Variants in TMEM132C observed in about 807,000 individuals in gnomAD.
TMEM132C encodes transmembrane protein 132C.
In TMEM132C, 29 loss-of-function variants were observed where a neutral mutation model predicts 61.4. The ratio of observed to expected loss-of-function variants is 0.47; its 90% confidence interval spans 0.35 to 0.64. The LOEUF (loss-of-function observed/expected upper bound fraction) is 0.64, where lower values mean the gene tolerates loss of function less well. TMEM132C is among the 30% of genes least tolerant of loss of function. The probability of loss-of-function intolerance (pLI) is 0.00; values close to 1 mark genes in which losing one functional copy is unlikely to be tolerated. For missense variants in TMEM132C, 1,408 were observed against 1,476.9 expected, an observed-to-expected ratio of 0.95 and a Z score of 0.76; for synonymous variants, 656 against 633.1, an observed-to-expected ratio of 1.04 and a Z score of -0.54.
rs73422527 is a variant in TMEM132C, at chr12:128,479,892, A to G, written c.975-64065A>G. On this transcript the variant is annotated intron_variant, in intron 2 of 8. Transcript: ENST00000435159. ...GAATTAATATAGATTGAGTGCTTAA[A>G]ACAGTGCCTCACACATAAAAATGAT... 8.4e-3 allele frequency among the ~76,000 whole-genome samples: 1,283 copies of G among 152,344 alleles called. 16 individuals carry two copies. The highest frequency in any genetic ancestry group is 0.044 in the South Asian group (212 of 4,828).
chr12:128,609,150 GCCTCCCTGCAACACTGTAACCCCCA>G (rs1565990293), intron 3 of TMEM132C, among the ~76,000 whole-genome samples: 35 of 73,524 alleles, frequency 4.8e-4, no homozygotes, highest in African/African-American at 1.7e-3. Context: ...TGTAACCCCC[GCCTCCCTGCAACACTGTAACCCCCA>G]CCTCCCTGCA....
At chr12:128,676,187 C>A (rs1460142461) in intron 5 of TMEM132C, among the ~76,000 whole-genome samples, 3 of 152,162 alleles carry the variant, frequency 2.0e-5, no homozygotes, top group Non-Finnish European at 4.4e-5. Flanking sequence ...CTCCTTTAAG[C>A]TGAAGCAAGT....
At chr12:128,311,178 C>T (rs1313590277) in intron 1 of TMEM132C, among the ~76,000 whole-genome samples, 1 of 152,252 alleles carries the variant, frequency 6.6e-6, no homozygotes, top group Non-Finnish European at 1.5e-5. Context: ...TCTGCACAGT[C>T]CTTTACCCTC....
At chr12:128,312,868 T>G (rs1029053635) in intron 1 of TMEM132C, among the ~76,000 whole-genome samples, 1 of 152,234 alleles carries the variant, frequency 6.6e-6, no homozygotes, top group Non-Finnish European at 1.5e-5. Flanking sequence ...CAATGATGGT[T>G]TCCAGCTGCA....
chr12:128,432,875 A>G (rs1316169609), intron 2 of TMEM132C, among the ~76,000 whole-genome samples: 2 of 152,136 alleles, frequency 1.3e-5, no homozygotes, highest in Admixed American at 1.3e-4. Context: ...AGGAAGAGTC[A>G]ATGGATTCAG....
chr12:128,599,972 TG>T (rs1305178463), intron 3 of TMEM132C, among the ~76,000 whole-genome samples: 1 of 152,012 alleles, frequency 6.6e-6, no homozygotes, highest in African/African-American at 2.4e-5. Flanking sequence ...GATGGTTTTT[TG>T]TTTTTTGTTT....
chr12:128,348,606 C>T (rs558412084), intron 1 of TMEM132C, among the ~76,000 whole-genome samples: 1 of 152,312 alleles, frequency 6.6e-6, no homozygotes, highest in Non-Finnish European at 1.5e-5. Context: ...ATTTCAGGCC[C>T]TTTCTTGGGT....
intron 1 of TMEM132C, among the ~76,000 whole-genome samples, chr12:128,324,019 G>C (rs1366644236): frequency 6.6e-6 from 1 of 152,186 alleles, no homozygotes; most frequent in African/African-American, 2.4e-5. Flanking sequence ...TCAATAAAGG[G>C]ACAGATCTCA....
In TMEM132C at chr12:128,451,217, A is replaced by G. The variant is rs1870165200; in HGVS notation, c.974+35597A>G. On this transcript the variant is annotated intron_variant, in intron 2 of 8. Coordinates refer to ENST00000435159, the MANE Select transcript of TMEM132C (RefSeq NM_001136103.3). ...AAAAATACAAAAATAAACCAGTATT[A>G]CGTTTCTAGACTGCCCTTTTCTATC... is the stretch of plus-strand genomic sequence containing the variant. 2.0e-5 allele frequency among the ~76,000 whole-genome samples: 3 copies of G among 152,352 alleles called. No individual in the cohort carries two copies. In the South Asian group the frequency reaches 6.2e-4, roughly 32 times the overall value.
Position 128,388,267 on chromosome 12 carries a change from C to T in TMEM132C, c.86-26465C>T, listed in dbSNP as rs962306601. On this transcript the variant is annotated intron_variant, in intron 1 of 8. Transcript: ENST00000435159. Reference sequence around the variant, plus strand: ...CGGCCAGGTGGGGCCTCTGGTGATCCGAAGACCCAAGGGACGGCCCCTCCC... The same window carrying T: ...CGGCCAGGTGGGGCCTCTGGTGATCTGAAGACCCAAGGGACGGCCCCTCCC... 7.2e-5 allele frequency among the ~76,000 whole-genome samples: 11 copies of T among 152,224 alleles called. 1 individual carries two copies. Among genetic ancestry groups the T allele is most frequent in the African/African-American group, 1.7e-4 (7 of 41,464 alleles).
At chr12:128,502,139 G>A (rs1339589024) in intron 2 of TMEM132C, among the ~76,000 whole-genome samples, 1 of 152,214 alleles carries the variant, frequency 6.6e-6, no homozygotes, top group Non-Finnish European at 1.5e-5. Context: ...GGCACTGCCT[G>A]GATGACACAT....
At chr12:128,534,571 G>C (rs527745914) in intron 2 of TMEM132C, among the ~76,000 whole-genome samples, 4 of 152,202 alleles carry the variant, frequency 2.6e-5, no homozygotes, top group Non-Finnish European at 4.4e-5. Context: ...CTGGCTGAGC[G>C]GGGTTGGCCT....
intron 2 of TMEM132C, among the ~76,000 whole-genome samples, chr12:128,531,092 G>A (rs558758244): frequency 5.9e-4 from 84 of 142,236 alleles, no homozygotes; most frequent in Admixed American, 1.0e-3. Flanking sequence ...GCAAAACATT[G>A]GTAATTGTTT....
intron 1 of TMEM132C, among the ~76,000 whole-genome samples, chr12:128,340,814 T>C (rs1593017114): frequency 6.7e-6 from 1 of 149,734 alleles, no homozygotes; most frequent in East Asian, 1.9e-4. Context: ...TTTCTTTCTC[T>C]CTTTCTTTCT....
chr12:128,288,722 A>C (rs1592998433), intron 1 of TMEM132C: 1 of 152,236 alleles, frequency 6.6e-6, no homozygotes. Context: ...CATGGGTCAA[A>C]CCCACTGTAG....
chr12:128,429,149 A>G (rs536071106), intron 2 of TMEM132C, among the ~76,000 whole-genome samples: 1 of 152,104 alleles, frequency 6.6e-6, no homozygotes, highest in African/African-American at 2.4e-5. Flanking sequence ...AGTTTTACCT[A>G]AACTCACTTT....
intron 1 of TMEM132C, among the ~76,000 whole-genome samples, chr12:128,323,576 C>A (rs545327242): frequency 1.3e-5 from 2 of 152,154 alleles, no homozygotes; most frequent in African/African-American, 4.8e-5. Context: ...TTTCACCAGG[C>A]GTGTGGAATT....
chr12:128,602,414 C>T (rs1261704578), intron 3 of TMEM132C, among the ~76,000 whole-genome samples: 1 of 152,210 alleles, frequency 6.6e-6, no homozygotes, highest in East Asian at 1.9e-4. Flanking sequence ...CCAGTTGAAA[C>T]TTGGTTGATT....
At chr12:128,525,037 G>C (rs1873037297) in intron 2 of TMEM132C, among the ~76,000 whole-genome samples, 1 of 152,206 alleles carries the variant, frequency 6.6e-6, no homozygotes, top group Non-Finnish European at 1.5e-5. Flanking sequence ...AGACCCTTGA[G>C]AGGACTGGCT....
Sources: allele counts gnomAD v4.1 joint callset (sites outside exome capture counted in the v4.1 genomes callset), GRCh38; gene constraint gnomAD v4.1.1; transcripts MANE v1.5; gene names NCBI Gene and HGNC (gene_info 2026-07-23, HGNC 2026-07-21).